Variants in TEX11 observed in about 807,000 individuals in gnomAD.
TEX11 encodes the protein testis expressed 11.
Under a neutral mutation model 84.4 loss-of-function variants are expected in TEX11, and 7 were observed. That is an observed-to-expected ratio of 0.08 (90% CI 0.05 to 0.16). The LOEUF (loss-of-function observed/expected upper bound fraction) is 0.16, where lower values mean the gene tolerates loss of function less well. Among genes scored for constraint, TEX11 ranks in the 10% least tolerant of loss-of-function variants. TEX11 has a pLI of 1.00. For missense variants in TEX11, 551 were observed against 660.5 expected (o/e 0.83, Z 1.82); for synonymous variants, 264 against 222.8 (o/e 1.18, Z -1.64).
chrX:70,679,809 GC>G (rs1462345933), intron 14 of TEX11, among the ~76,000 whole-genome samples: 2 of 94,815 alleles, frequency 2.1e-5, no homozygotes, highest in Admixed American at 1.1e-4. Flanking sequence ...CCGGCCAGCC[GC>G]CCCGTCCGGG....
intron 11 of TEX11, among the ~76,000 whole-genome samples, chrX:70,732,604 G>A (rs1432238030): frequency 9.0e-6 from 1 of 111,080 alleles, no homozygotes; most frequent in African/African-American, 3.3e-5. Context: ...AAGACATGAA[G>A]GACCTCTTCA....
intron 13 of TEX11, among the ~76,000 whole-genome samples, chrX:70,719,705 C>T (rs776695177): frequency 4.5e-5 from 5 of 112,120 alleles, no homozygotes; most frequent in African/African-American, 9.7e-5. Flanking sequence ...AAAAAGTGGG[C>T]AAAGGATATG....
intron 17 of TEX11, among the ~76,000 whole-genome samples, chrX:70,642,060 G>A (rs1282315021): frequency 9.1e-6 from 1 of 109,514 alleles, no homozygotes; most frequent in Admixed American, 9.8e-5. Flanking sequence ...GAATCAAATA[G>A]ACACAATAAA....
chrX:70,560,120 T>C lies in TEX11; in HGVS notation c.2141-5320A>G, dbSNP rs371737380. Among the ~76,000 whole-genome samples the C allele has an allele frequency of 5.7e-3, 630 of 110,987 alleles. 4 individuals carry two copies. Among genetic ancestry groups the C allele is most frequent in the African/African-American group, 0.02 (602 of 30,552 alleles). On this transcript the variant is annotated intron_variant, in intron 25 of 29. Coordinates refer to ENST00000374333, the MANE Select transcript of TEX11 (RefSeq NM_031276.3). ...TCTTTTCCTTTGCTTGTTGACCATT[T>C]ATACATTTTTTTTGGGTGAAATTTC...
chrX:70,701,870 C>T (rs962833931), intron 13 of TEX11, among the ~76,000 whole-genome samples: 4 of 111,046 alleles, frequency 3.6e-5, no homozygotes, highest in South Asian at 3.9e-4. Context: ...GCAGATGTGG[C>T]GGAAATAGCA....
intron 15 of TEX11, chrX:70,672,806 G>T (rs771550971): frequency 9.0e-6 from 1 of 111,045 alleles, no homozygotes; most frequent in East Asian, 2.8e-4. Flanking sequence ...CTATTCAACA[G>T]GATCTCTTTT....
At chrX:70,816,707 C>T (rs1286254250) in intron 8 of TEX11, among the ~76,000 whole-genome samples, 6 of 95,920 alleles carry the variant, frequency 6.3e-5, no homozygotes, top group Non-Finnish European at 8.7e-5. Flanking sequence ...GTGAGTGAGA[C>T]TCTGTCTCAA....
intron 7 of TEX11, among the ~76,000 whole-genome samples, chrX:70,842,244 C>G (rs1184937265): frequency 7.2e-5 from 8 of 111,672 alleles, no homozygotes; most frequent in Non-Finnish European, 7.5e-5. Context: ...AAAATACTCA[C>G]AAACCGAATT....
intron 13 of TEX11, among the ~76,000 whole-genome samples, chrX:70,685,657 A>G: frequency 8.9e-6 from 1 of 112,144 alleles, no homozygotes; most frequent in Non-Finnish European, 1.9e-5. Context: ...AGAAAACTTC[A>G]ATAAAATGAA....
chrX:70,765,817 C>A (rs769658458), intron 9 of TEX11, among the ~76,000 whole-genome samples: 49 of 111,594 alleles, frequency 4.4e-4, no homozygotes, highest in Non-Finnish European at 7.7e-4. Flanking sequence ...TGACGAACAT[C>A]CACTTTGGAA....
chrX:70,850,578 CAA>C (rs58993434), intron 7 of TEX11, among the ~76,000 whole-genome samples: 22,249 of 80,581 alleles, frequency 0.28, 2,360 homozygotes, highest in Admixed American at 0.45. Context: ...CCTCCCTCTA[CAA>C]AAAAAAAAAA....
At chrX:70,862,915 CAAA>C (rs201281457) in intron 4 of TEX11, among the ~76,000 whole-genome samples, 4 of 67,866 alleles carry the variant, frequency 5.9e-5, no homozygotes, top group Admixed American at 3.1e-4. Context: ...AACTCCAACT[CAAA>C]AAAAAAAAAA....
intron 9 of TEX11, among the ~76,000 whole-genome samples, chrX:70,771,606 T>C (rs1488508118): frequency 8.9e-6 from 1 of 112,529 alleles, no homozygotes; most frequent in African/African-American, 3.2e-5. Flanking sequence ...GAGTATGGAA[T>C]AGATGCTCAC....
At chrX:70,816,468 T>G (rs762607891) in intron 8 of TEX11, among the ~76,000 whole-genome samples, 2 of 111,719 alleles carry the variant, frequency 1.8e-5, no homozygotes, top group African/African-American at 6.5e-5. Flanking sequence ...CCCAGCATTT[T>G]GGGAGGCTGA....
intron 9 of TEX11, among the ~76,000 whole-genome samples, chrX:70,760,276 A>G (rs2090899864): frequency 8.9e-6 from 1 of 112,098 alleles, no homozygotes; most frequent in African/African-American, 3.2e-5. Context: ...TAAAGTTTAT[A>G]TGGAACCAAA....
intron 9 of TEX11, among the ~76,000 whole-genome samples, chrX:70,748,147 A>T (rs2147753185): frequency 8.9e-6 from 1 of 111,745 alleles, no homozygotes; most frequent in East Asian, 2.8e-4. Context: ...AAGAAAAGAA[A>T]GAAAAGGACA....
At chrX:70,582,838 C>A (rs983934945) in intron 25 of TEX11, among the ~76,000 whole-genome samples, 9 of 108,044 alleles carry the variant, frequency 8.3e-5, no homozygotes, top group Non-Finnish European at 1.7e-4. Flanking sequence ...CTCCACCTCC[C>A]AGGTTCAAGC....
At chrX:70,618,744 C>A (rs1248710720) in intron 20 of TEX11, among the ~76,000 whole-genome samples, 1 of 112,117 alleles carries the variant, frequency 8.9e-6, no homozygotes, top group Non-Finnish European at 1.9e-5. Context: ...ACAGAATATA[C>A]TGCACCAATT....
chrX:70,713,390 G>C (rs900235697), intron 13 of TEX11, among the ~76,000 whole-genome samples: 4 of 111,783 alleles, frequency 3.6e-5, no homozygotes, highest in Admixed American at 1.9e-4. Context: ...TTGTACCTTT[G>C]GTAGAATTCG....
Sources: gnomAD v4.1 joint callset for allele counts (sites outside exome capture counted in the v4.1 genomes callset) on GRCh38, gnomAD v4.1.1 for gene constraint, MANE v1.5 for transcripts, NCBI Gene and HGNC (gene_info 2026-07-23, HGNC 2026-07-21) for gene names.